The following ANTXR2 variants were observed in gnomAD, a reference collection of about 807,000 sequenced individuals.
ANTXR2 encodes anthrax toxin receptor 2.
ANTXR2 carries 44 observed loss-of-function variants against 73.7 expected under a neutral mutation model. The observed-to-expected ratio is 0.60, with a 90% CI of 0.47 to 0.77. ANTXR2 has a LOEUF of 0.77. Among genes scored for constraint, ANTXR2 ranks in the 30% least tolerant of loss-of-function variants. The pLI is 0.00. For missense variants in ANTXR2, 604 were observed against 592.5 expected, an observed-to-expected ratio of 1.02 and a Z score of -0.20; for synonymous variants, 217 against 205.9, an observed-to-expected ratio of 1.05 and a Z score of -0.46.
chr4:80,062,631 C>G (rs540024028), intron 3 of ANTXR2, among the ~76,000 whole-genome samples: 32 of 152,178 alleles, frequency 2.1e-4, no homozygotes, highest in Admixed American at 6.5e-4. Flanking sequence ...TTTAGCTAAC[C>G]CAACTATTGT....
intron 14 of ANTXR2, among the ~76,000 whole-genome samples, 195 bp from the exon 15 acceptor site, chr4:79,978,369 C>CAA (rs34603918): frequency 1.3e-4 from 18 of 136,310 alleles, no homozygotes; most frequent in African/African-American, 4.6e-4. Context: ...TATTAAGATC[C>CAA]AAAAAAAAAA....
Position 79,921,518 on chromosome 4 carries a change from A to G in ANTXR2, c.1429-14051T>C, listed in dbSNP as rs768808042. ...CATTTTGCCAAACAGCTAAATTCCT[A>G]TACAATTTGAGACTAACTGATTTAG... On this transcript the variant is annotated intron_variant, in intron 16 of 16. Transcript: ENST00000403729. Among the ~76,000 whole-genome samples the G allele has an allele frequency of 5.3e-5, 8 of 152,066 alleles. No individual in the cohort carries two copies. In the South Asian group the frequency reaches 1.0e-3, roughly 20 times the overall value.
intron 11 of ANTXR2, among the ~76,000 whole-genome samples, chr4:80,012,465 C>T (rs1012498594): frequency 3.3e-5 from 5 of 151,890 alleles, no homozygotes; most frequent in African/African-American, 1.2e-4. Context: ...ATGTCTATAG[C>T]TGTTTTTGCA....
chr4:79,931,098 T>C (rs74331001), intron 16 of ANTXR2, among the ~76,000 whole-genome samples: 11,342 of 152,246 alleles, frequency 0.074, 563 homozygotes, highest in Middle Eastern at 0.23. Context: ...TCGAGTGGTC[T>C]ACCAAATCTA....
At chr4:79,910,532 G>GAAAAAAAAAAAAAAAAAAAAAA (rs10718867) in intron 16 of ANTXR2, among the ~76,000 whole-genome samples, 1 of 137,572 alleles carries the variant, frequency 7.3e-6, no homozygotes, top group South Asian at 2.2e-4. Flanking sequence ...AGAAAAAAAA[G>GAAAAAAAAAAAAAAAAAAAAAA]AAAAAAAAAA....
chr4:79,986,866 A>C (rs971461763), intron 12 of ANTXR2, among the ~76,000 whole-genome samples: 2 of 152,208 alleles, frequency 1.3e-5, no homozygotes, highest in Non-Finnish European at 2.9e-5. Flanking sequence ...CATTAGCATG[A>C]AGCTCAGGAG....
intron 16 of ANTXR2, among the ~76,000 whole-genome samples, chr4:79,907,774 C>T (rs1726978151): frequency 6.6e-6 from 1 of 152,140 alleles, no homozygotes. Context: ...ATCAAAGCCA[C>T]AACCCAATAT....
chr4:79,988,279 G>A (rs1254232471), intron 12 of ANTXR2, among the ~76,000 whole-genome samples: 12 of 78,138 alleles, frequency 1.5e-4, no homozygotes, highest in African/African-American at 3.2e-4. Flanking sequence ...ATATATATAT[G>A]TAGGCTGAAA....
intron 3 of ANTXR2, among the ~76,000 whole-genome samples, 164 bp downstream of exon 3, chr4:80,069,272 T>C (rs1734670942): frequency 6.6e-6 from 1 of 152,204 alleles, no homozygotes; most frequent in African/African-American, 2.4e-5. Context: ...GATTAACTGC[T>C]CTTTTATATT....
At chr4:79,929,751 G>A (rs1260483206) in intron 16 of ANTXR2, among the ~76,000 whole-genome samples, 3 of 151,606 alleles carry the variant, frequency 2.0e-5, no homozygotes, top group Non-Finnish European at 4.4e-5. Context: ...AAAAAGTAAA[G>A]CAGGGAAACC....
chr4:80,021,403 T>C (rs917545214), intron 10 of ANTXR2, among the ~76,000 whole-genome samples: 10 of 152,160 alleles, frequency 6.6e-5, no homozygotes, highest in African/African-American at 2.2e-4. Context: ...CTTTAAAGAA[T>C]GTGGCCTGAA....
intron 16 of ANTXR2, among the ~76,000 whole-genome samples, chr4:79,936,937 G>C (rs1246109944): frequency 3.9e-5 from 6 of 151,932 alleles, no homozygotes; most frequent in Non-Finnish European, 8.8e-5. Flanking sequence ...TCTATCACTT[G>C]TATAATGCTA....
chr4:80,069,645 T>C (rs1560434700), intron 2 of ANTXR2, 138 bp from the exon 3 acceptor site: 2 of 652,242 alleles, frequency 3.1e-6, no homozygotes, highest in South Asian at 2.1e-5. Flanking sequence ...ATTCCCTAAG[T>C]AAATAGACGA....
At chr4:80,033,627 A>G (rs1732808510) in intron 8 of ANTXR2, 57 bp from the exon 9 acceptor site, 1 of 1,315,062 alleles carries the variant, frequency 7.6e-7, no homozygotes, top group South Asian at 1.4e-5. Flanking sequence ...AAAATAAAAA[A>G]CACAAGCTGA....
chr4:80,068,133 A>T (rs1159353453), intron 3 of ANTXR2, among the ~76,000 whole-genome samples: 1 of 152,206 alleles, frequency 6.6e-6, no homozygotes, highest in African/African-American at 2.4e-5. Flanking sequence ...TTATACGGAT[A>T]ATTTTCTAAA....
intron 16 of ANTXR2, among the ~76,000 whole-genome samples, chr4:79,918,857 T>C (rs1255990810): frequency 6.6e-6 from 1 of 152,066 alleles, no homozygotes; most frequent in African/African-American, 2.4e-5. Context: ...ACATATTGAA[T>C]TCATAACATA....
At chr4:79,999,965 T>C (rs1458111582) in intron 12 of ANTXR2, among the ~76,000 whole-genome samples, 2 of 152,042 alleles carry the variant, frequency 1.3e-5, no homozygotes, top group African/African-American at 4.8e-5. Flanking sequence ...ATACATGTGA[T>C]TGCTACTGGT....
chr4:79,935,472 C>T (rs1390267819), intron 16 of ANTXR2, among the ~76,000 whole-genome samples: 4 of 151,306 alleles, frequency 2.6e-5, no homozygotes, highest in African/African-American at 9.7e-5. Context: ...TCTAGAGAAA[C>T]ATACTGAACA....
At chr4:80,043,607 G>C (rs929612459) in intron 7 of ANTXR2, among the ~76,000 whole-genome samples, 6 of 151,912 alleles carry the variant, frequency 3.9e-5, no homozygotes, top group African/African-American at 1.4e-4. Flanking sequence ...CAATAGTTCA[G>C]GGAACACTGC....
Sources: allele counts gnomAD v4.1 joint callset (sites outside exome capture counted in the v4.1 genomes callset), GRCh38; gene constraint gnomAD v4.1.1; transcripts MANE v1.5; gene names NCBI Gene and HGNC (gene_info 2026-07-23, HGNC 2026-07-21).